BLTP3B: variants seen among roughly 807,000 people sequenced by gnomAD.
BLTP3B encodes UHRF1 (ICBP90) binding protein 1-like.
the BLTP3B span, among the ~76,000 whole-genome samples, chr12:100,054,613 G>C: frequency 6.6e-6 from 1 of 152,176 alleles, no homozygotes; most frequent in Non-Finnish European, 1.5e-5. Context: ...GGGGGAACTA[G>C]AGTTATCTGC....
the BLTP3B span, among the ~76,000 whole-genome samples, chr12:100,040,048 T>C: frequency 6.6e-6 from 1 of 152,212 alleles, no homozygotes; most frequent in Non-Finnish European, 1.5e-5. Flanking sequence ...TATGTTTTTA[T>C]ATTAAAGGTT....
the BLTP3B span, chr12:100,084,748 T>C: frequency 7.5e-7 from 1 of 1,340,472 alleles, no homozygotes; most frequent in Non-Finnish European, 1.0e-6. Context: ...TTTAGTCGTT[T>C]ATTCAAGAAA....
chr12:100,056,149 G>T, the BLTP3B span, among the ~76,000 whole-genome samples: 14 of 152,244 alleles, frequency 9.2e-5, no homozygotes, highest in African/African-American at 3.1e-4. Context: ...AGTACTAAGA[G>T]GTAGGGCTTT....
the BLTP3B span, among the ~76,000 whole-genome samples, chr12:100,105,475 AG>A: frequency 6.6e-6 from 1 of 152,208 alleles, no homozygotes; most frequent in Non-Finnish European, 1.5e-5. Flanking sequence ...TGCTGGAAAA[AG>A]TGGATAGCCA....
chr12:100,103,260 G>C, the BLTP3B span, among the ~76,000 whole-genome samples: 3 of 151,820 alleles, frequency 2.0e-5, no homozygotes, highest in Admixed American at 1.3e-4. Context: ...TGAGCTATGA[G>C]ACACAAAACT....
At chr12:100,073,687 C>T in the BLTP3B span, among the ~76,000 whole-genome samples, 628 of 151,984 alleles carry the variant, frequency 4.1e-3, 8 homozygotes, top group African/African-American at 0.014. Context: ...TTTGATCGCT[C>T]GAATTCATTT....
chr12:100,081,648 A>G, the BLTP3B span, among the ~76,000 whole-genome samples: 103 of 152,280 alleles, frequency 6.8e-4, no homozygotes, highest in African/African-American at 2.3e-3. Flanking sequence ...GCTCCCACTT[A>G]TAAGTGAGAA....
the BLTP3B span, among the ~76,000 whole-genome samples, chr12:100,108,082 T>G: frequency 6.6e-6 from 1 of 151,514 alleles, no homozygotes; most frequent in Non-Finnish European, 1.5e-5. Context: ...ACAATAAAAC[T>G]TATGAAAAAA....
the BLTP3B span, among the ~76,000 whole-genome samples, chr12:100,127,064 C>CA: frequency 0.095 from 10,348 of 109,468 alleles, 872 homozygotes; most frequent in African/African-American, 0.25. Context: ...TAAACCAGGC[C>CA]AAAAAAAAAA....
At chr12:100,037,733 A>G in the BLTP3B span, 1 of 1,606,234 alleles carries the variant, frequency 6.2e-7, no homozygotes, top group Non-Finnish European at 8.5e-7. Context: ...TTCCTGTTTA[A>G]GAGATTCATT....
chr12:100,085,835 T>A, the BLTP3B span, among the ~76,000 whole-genome samples: 1 of 152,048 alleles, frequency 6.6e-6, no homozygotes, highest in Admixed American at 6.5e-5. Flanking sequence ...TGGAATCCTA[T>A]AATTTAGCTA....
the BLTP3B span, among the ~76,000 whole-genome samples, chr12:100,140,729 A>ATATATATATATAT: frequency 1.6e-5 from 1 of 61,492 alleles, no homozygotes; most frequent in African/African-American, 1.0e-4. Context: ...AAAAAAAAAA[A>ATATATATATATAT]ATATATATAT....
the BLTP3B span, among the ~76,000 whole-genome samples, chr12:100,096,656 A>C: frequency 6.7e-6 from 1 of 148,372 alleles, no homozygotes; most frequent in African/African-American, 2.5e-5. Context: ...CTGTCTCTAC[A>C]AAAAAAAAAT....
chr12:100,057,609 T>G, the BLTP3B span: 3 of 1,611,276 alleles, frequency 1.9e-6, no homozygotes, highest in Non-Finnish European at 2.5e-6. Flanking sequence ...TCCATCACTT[T>G]CTAATAACTG....
At chr12:100,102,554 A>C in the BLTP3B span, among the ~76,000 whole-genome samples, 1 of 152,210 alleles carries the variant, frequency 6.6e-6, no homozygotes. Context: ...GCCATTAGTT[A>C]ATCACTATTA....
At chr12:100,075,956 G>A in the BLTP3B span, among the ~76,000 whole-genome samples, 1 of 152,068 alleles carries the variant, frequency 6.6e-6, no homozygotes, top group Non-Finnish European at 1.5e-5. Flanking sequence ...ACCCCAAAAG[G>A]AGGATGGGAG....
chr12:100,131,111 G>A, the BLTP3B span, among the ~76,000 whole-genome samples: 1 of 151,098 alleles, frequency 6.6e-6, no homozygotes, highest in East Asian at 2.0e-4. Flanking sequence ...AAGAGTTTGA[G>A]GTTAGCCTGG....
chr12:100,086,932 G>A, the BLTP3B span, among the ~76,000 whole-genome samples: 2 of 152,140 alleles, frequency 1.3e-5, no homozygotes, highest in South Asian at 2.1e-4. Flanking sequence ...AGGCCGAGGC[G>A]GGTGGATCAC....
the BLTP3B span, chr12:100,039,883 T>A: frequency 3.5e-6 from 4 of 1,128,104 alleles, no homozygotes; most frequent in Non-Finnish European, 4.9e-6. Context: ...AAACTAAATA[T>A]CTATATATAT....
Sources: allele counts gnomAD v4.1 joint callset (sites outside exome capture counted in the v4.1 genomes callset), GRCh38; gene constraint gnomAD v4.1.1; transcripts MANE v1.5; gene names NCBI Gene and HGNC (gene_info 2026-07-23, HGNC 2026-07-21).